HSF5: variants seen among roughly 807,000 people sequenced by gnomAD.
HSF5 encodes heat shock transcription factor 5, also known as heat shock factor protein 5.
HSF5 carries 5 observed loss-of-function variants against 50.8 expected under a neutral mutation model. That is an observed-to-expected ratio of 0.10 (90% confidence interval 0.05 to 0.21). HSF5 has a LOEUF of 0.21. HSF5 is among the 10% of genes least tolerant of loss of function. HSF5 has a pLI of 1.00. For missense variants in HSF5, 564 were observed against 762.6 expected, an observed-to-expected ratio of 0.74 and a Z score of 3.07; for synonymous variants, 307 against 307.4, an observed-to-expected ratio of 1.00 and a Z score of 0.02.
intron 5 of HSF5, among the ~76,000 whole-genome samples, chr17:58,441,666 G>C (rs190508067): frequency 1.3e-5 from 2 of 152,320 alleles, no homozygotes; most frequent in Admixed American, 1.3e-4. Context: ...ATGAAGGATA[G>C]TGAACCAGGA....
intron 5 of HSF5, among the ~76,000 whole-genome samples, chr17:58,435,898 CAAAAAAA>C (rs11458311): frequency 6.6e-5 from 4 of 60,290 alleles, no homozygotes; most frequent in African/African-American, 2.5e-4. Context: ...GACTCCATCT[CAAAAAAA>C]AAAAAAAAAA....
chr17:58,459,837 T>C (rs944958588), intron 4 of HSF5, among the ~76,000 whole-genome samples: 2 of 152,002 alleles, frequency 1.3e-5, no homozygotes, highest in African/African-American at 2.4e-5. Context: ...TTTTTCTCTG[T>C]AGAATATGTT....
intron 2 of HSF5, among the ~76,000 whole-genome samples, chr17:58,471,243 A>G (rs1316187645): frequency 1.3e-5 from 2 of 152,220 alleles, no homozygotes; most frequent in African/African-American, 4.8e-5. Flanking sequence ...ATTTTTTAAA[A>G]AGGTAAATAT....
chr17:58,466,184 C>T (rs1281949486), intron 3 of HSF5, among the ~76,000 whole-genome samples: 1 of 151,990 alleles, frequency 6.6e-6, no homozygotes, highest in East Asian at 1.9e-4. Context: ...ACTCCTGGTC[C>T]CAAGCATTTT....
In HSF5 at chr17:58,476,975, G is replaced by T. The variant is rs568329244; in HGVS notation, c.925+2918C>A. ...TGTGGCACGGTTGGGAGACGGGGGC[G>T]GGGGAAGGGAAGGCTAAGGGAACAG... On this transcript the variant is annotated intron_variant, in intron 2 of 5. Transcript: ENST00000323777. 64 of 619,062 alleles carry T rather than the reference G, an allele frequency of 1.0e-4. 1 individual carries two copies. In the South Asian group the frequency reaches 1.2e-3, roughly 11 times the overall value. The allele number at this position is 619,062 out of a possible 1,614,324, so 38.3% of individuals were successfully genotyped here.
rs1486592509 is a variant in HSF5, at chr17:58,420,700, T to A, written c.*1660A>T. The A allele has an allele frequency of 6.6e-6, 1 of 152,220 alleles. No individual in the cohort carries two copies. Among genetic ancestry groups the A allele is most frequent in the Non-Finnish European group, 1.5e-5 (1 of 68,024 alleles). 9.4% of individuals were successfully genotyped at this position (152,220 alleles called of 1,614,324 possible). On this transcript the variant is annotated 3_prime_UTR_variant, in exon 6 of 6. Transcript: ENST00000323777. ...GTCTGGCCAAAAGATATAGGTGTCTTGATAATTTGCTCTTTTAAACCTTGC... is the reference window on the plus strand; with the variant it reads ...GTCTGGCCAAAAGATATAGGTGTCTAGATAATTTGCTCTTTTAAACCTTGC...
intron 1 of HSF5, among the ~76,000 whole-genome samples, chr17:58,486,169 G>T (rs1220332012): frequency 1.3e-5 from 2 of 152,178 alleles, no homozygotes; most frequent in African/African-American, 4.8e-5. Flanking sequence ...TTCGAGACCA[G>T]CCTGGCCAAC....
Position 58,487,708 on chromosome 17 carries a change from G to A in HSF5, c.550+17C>T. ...ATGTGCCCACTGTGGGCGAGGGCAC[G>A]GGCAGTCCGGACTCACCGTGCGGCT... On this transcript the variant is annotated intron_variant, in intron 1 of 5. Coordinates refer to ENST00000323777, the MANE Select transcript of HSF5 (RefSeq NM_001080439.3). The A allele has an allele frequency of 7.2e-7, 1 of 1,381,760 alleles. No homozygotes were observed. The highest frequency in any genetic ancestry group is 9.3e-7 in the Non-Finnish European group (1 of 1,077,434). The allele number at this position is 1,381,760 out of a possible 1,614,324, so 85.6% of individuals were successfully genotyped here.
At chr17:58,470,360 A>G (rs771837803) in intron 2 of HSF5, among the ~76,000 whole-genome samples, 13 of 152,242 alleles carry the variant, frequency 8.5e-5, no homozygotes, top group Non-Finnish European at 1.5e-4. Context: ...ATTCTGACAC[A>G]TACTACAATA....
chr17:58,466,298 T>G (rs1974865674), intron 3 of HSF5, among the ~76,000 whole-genome samples: 1 of 152,210 alleles, frequency 6.6e-6, no homozygotes, highest in East Asian at 1.9e-4. Flanking sequence ...TCCTTTCTCC[T>G]TAAAAAGAAA....
chr17:58,484,383 TTTC>T (rs1400683016), intron 1 of HSF5, among the ~76,000 whole-genome samples: 1 of 152,226 alleles, frequency 6.6e-6, no homozygotes, highest in Non-Finnish European at 1.5e-5. Flanking sequence ...TGGCCCTGAA[TTTC>T]TTCAATTAAA....
chr17:58,462,799 G>A lies in HSF5; in HGVS notation c.1525C>T (p.Pro509Ser). ...SSVVFVQEGP[P>S]FSTHQVDANI... ...CCCCTTACCTGGTGTGTGCTGAATGGTGGCCCTTCCTGCACAAATACTACT... is the reference window on the plus strand; with the variant it reads ...CCCCTTACCTGGTGTGTGCTGAATGATGGCCCTTCCTGCACAAATACTACT... The change falls in exon 4 of 6, where the codon CCA (proline) becomes TCA (serine). Residue 509 changes from proline to serine, a missense_variant. Physicochemically the swap from Pro to Ser is moderately conservative, Grantham distance 74 (BLOSUM62 -1). Coordinates refer to ENST00000323777, the MANE Select transcript of HSF5 (RefSeq NM_001080439.3). The A allele has an allele frequency of 6.2e-7, 1 of 1,607,818 alleles. No individual in the cohort carries two copies. Among genetic ancestry groups the A allele is most frequent in the East Asian group, 2.2e-5 (1 of 44,876 alleles).
At chr17:58,432,717 T>C (rs532640778) in intron 5 of HSF5, among the ~76,000 whole-genome samples, 5 of 152,152 alleles carry the variant, frequency 3.3e-5, no homozygotes, top group African/African-American at 9.6e-5. Flanking sequence ...TAAATAAATT[T>C]AGATGGGAAA....
rs550253442 is a variant in HSF5 at position 58,444,562 on chromosome 17, T to C, written c.1720+14206A>G. Among the ~76,000 whole-genome samples, 7 of 152,188 alleles carry C rather than the reference T, an allele frequency of 4.6e-5. No homozygotes were observed. In the East Asian group the frequency reaches 1.2e-3, roughly 25 times the overall value. On this transcript the variant is annotated intron_variant, in intron 5 of 5. Transcript: ENST00000323777. ...GCTTACACCATATATGAAAACTAACTCAAACTAACTAACTTAGGTCTTTAG... is the reference window on the plus strand; with the variant it reads ...GCTTACACCATATATGAAAACTAACCCAAACTAACTAACTTAGGTCTTTAG...
chr17:58,427,040 C>T (rs989787164), intron 5 of HSF5, among the ~76,000 whole-genome samples: 3 of 151,990 alleles, frequency 2.0e-5, no homozygotes, highest in Non-Finnish European at 4.4e-5. Flanking sequence ...TCGCTTGCAT[C>T]CAGAAGTTCG....
intron 5 of HSF5, among the ~76,000 whole-genome samples, chr17:58,423,778 C>T (rs1598177420): frequency 6.6e-6 from 1 of 152,162 alleles, no homozygotes; most frequent in African/African-American, 2.4e-5. Flanking sequence ...TGCGCCCGGC[C>T]CAGGGAGCAT....
chr17:58,480,152 A>T lies in HSF5; in HGVS notation c.666T>A (p.Asp222Glu). 2.5e-6 allele frequency: 4 copies of T among 1,614,208 alleles called. No homozygotes were observed. The highest frequency in any genetic ancestry group is 3.4e-6 in the Non-Finnish European group (4 of 1,180,040). ...DHSTYPLKGLDRTPVPHRIWQ... is the reference protein window; with the variant it reads ...DHSTYPLKGLERTPVPHRIWQ... Reference sequence around the variant, plus strand: ...ATATTCTATGAGGAACTGGGGTCCGATCTAAACCTTTCAGAGGGTAAGTAC... The same window carrying T: ...ATATTCTATGAGGAACTGGGGTCCGTTCTAAACCTTTCAGAGGGTAAGTAC... Residue 222 changes from aspartate (D) to glutamate (E), a missense_variant, in exon 2 of 6, where the codon GAT (aspartate) becomes GAA (glutamate). Transcript: ENST00000323777.
chr17:58,433,519 G>A (rs1018805191), intron 5 of HSF5, among the ~76,000 whole-genome samples: 13 of 152,174 alleles, frequency 8.5e-5, no homozygotes, highest in African/African-American at 2.9e-4. Flanking sequence ...TGAATAGAGA[G>A]AGAGAAAGAA....
chr17:58,448,026 TGGCA>T (rs1974582979), intron 5 of HSF5, among the ~76,000 whole-genome samples: 1 of 150,450 alleles, frequency 6.6e-6, no homozygotes, highest in Non-Finnish European at 1.5e-5. Context: ...CCCAGCTACT[TGGCA>T]GGCTGAGACA....
Sources: gnomAD v4.1 joint callset for allele counts (sites outside exome capture counted in the v4.1 genomes callset) on GRCh38, gnomAD v4.1.1 for gene constraint, MANE v1.5 for transcripts, NCBI Gene and HGNC (gene_info 2026-07-23, HGNC 2026-07-21) for gene names.